SCN2A: variants seen among roughly 807,000 people sequenced by gnomAD.
SCN2A encodes sodium channel protein type 2 subunit alpha.
A neutral mutation model predicts 188.7 loss-of-function variants in SCN2A; 20 were observed. That is an observed-to-expected ratio of 0.11 (90% confidence interval 0.07 to 0.15). SCN2A has a LOEUF of 0.15. SCN2A is among the 10% of genes least tolerant of loss of function. The pLI is 1.00. For synonymous variants in SCN2A, 804 were observed against 833.1 expected (o/e 0.97, Z 0.60); for missense variants, 1,278 against 2,445.0 (o/e 0.52, Z 10.07).
intron 1 of SCN2A, chr2:165,294,197 T>C: frequency 1.3e-6 from 1 of 782,392 alleles, no homozygotes; most frequent in Non-Finnish European, 1.6e-6. Flanking sequence ...TTTACAGTAG[T>C]AGAATCCTTG....
chr2:165,370,756 T>G (rs903587788), intron 20 of SCN2A: 1 of 168,206 alleles, frequency 5.9e-6, no homozygotes, highest in Non-Finnish European at 1.3e-5. Context: ...ACCACTTGAT[T>G]TGTATGATAT....
intron 16 of SCN2A, among the ~76,000 whole-genome samples, chr2:165,350,869 A>G (rs951045590): frequency 6.6e-6 from 1 of 152,120 alleles, no homozygotes; most frequent in African/African-American, 2.4e-5. Context: ...AAAGAGAATA[A>G]CTTGACTCAC....
intron 7 of SCN2A, among the ~76,000 whole-genome samples, 182 bp from the exon 8 acceptor site, chr2:165,311,843 T>C (rs1457253387): frequency 2.6e-5 from 4 of 152,130 alleles, no homozygotes; most frequent in African/African-American, 9.7e-5. Context: ...ATTTGTATAA[T>C]CAAAAATGTT....
chr2:165,295,761 C>T lies in SCN2A; in HGVS notation c.-51-12C>T, dbSNP rs1398283453. On this transcript the variant is annotated splice_polypyrimidine_tract_variant and intron_variant, in intron 1 of 26. Coordinates refer to ENST00000375437, the MANE Select transcript of SCN2A (RefSeq NM_001040142.2). Reference sequence around the variant, plus strand: ...AATGGTCATTGCTTTTTTTCCCTCCCTGTTTCTGTAGCACTTTCTTATGCA... The same window carrying T: ...AATGGTCATTGCTTTTTTTCCCTCCTTGTTTCTGTAGCACTTTCTTATGCA... 9.3e-6 allele frequency: 15 copies of T among 1,611,950 alleles called. No homozygotes were observed. The highest frequency in any genetic ancestry group is 8.0e-5 in the African/African-American group (6 of 74,962).
chr2:165,293,579 T>C (rs1407446460), intron 1 of SCN2A, among the ~76,000 whole-genome samples: 1 of 152,142 alleles, frequency 6.6e-6, no homozygotes, highest in Non-Finnish European at 1.5e-5. Context: ...GGTATTATAA[T>C]CTTATGCGAC....
intron 12 of SCN2A, 93 bp from the exon 13 acceptor site, chr2:165,326,759 G>A: frequency 1.5e-6 from 2 of 1,304,686 alleles, no homozygotes; most frequent in Admixed American, 1.7e-5. Context: ...AAAGCATGGT[G>A]TATATTTAGT....
intron 14 of SCN2A, among the ~76,000 whole-genome samples, chr2:165,336,811 A>C (rs1316927035): frequency 6.6e-6 from 1 of 152,062 alleles, no homozygotes; most frequent in African/African-American, 2.4e-5. Context: ...ATGTTGCAGT[A>C]AATGTTCTTG....
intron 16 of SCN2A, among the ~76,000 whole-genome samples, chr2:165,350,481 T>C (rs1352090662): frequency 8.8e-6 from 1 of 113,912 alleles, no homozygotes; most frequent in East Asian, 2.5e-4. Context: ...TTTTTTTTTT[T>C]TTTTTTTTTG....
chr2:165,295,510 C>T (rs920542298), intron 1 of SCN2A, among the ~76,000 whole-genome samples: 2 of 152,154 alleles, frequency 1.3e-5, no homozygotes, highest in African/African-American at 4.8e-5. Context: ...CATATTTTCC[C>T]ACAAGTAGCA....
chr2:165,333,974 GA>G lies in SCN2A; in HGVS notation c.2388+2409del, dbSNP rs562910597. On this transcript the variant is annotated intron_variant, in intron 14 of 26. Coordinates refer to ENST00000375437, the MANE Select transcript of SCN2A (RefSeq NM_001040142.2). ...TTTTAGAAAGAAAAAGGGAGCATAA[GA>G]AATAAAATAAAATTAAACGCCAGCA... Among the ~76,000 whole-genome samples the G allele has an allele frequency of 2.0e-5, 3 of 149,626 alleles. No individual in the cohort carries two copies. The South Asian group carries it at 6.4e-4, about 32-fold the overall frequency.
intron 25 of SCN2A, among the ~76,000 whole-genome samples, 162 bp downstream of exon 25, chr2:165,381,359 A>G (rs1340367853): frequency 6.6e-6 from 1 of 151,740 alleles, no homozygotes; most frequent in Non-Finnish European, 1.5e-5. Flanking sequence ...TGTACTTTAC[A>G]TATATAATAT....
intron 1 of SCN2A, among the ~76,000 whole-genome samples, chr2:165,276,268 G>GAAAAAAA (rs61197555): frequency 6.7e-6 from 1 of 148,462 alleles, no homozygotes; most frequent in Non-Finnish European, 1.5e-5. Context: ...AAATACTTAG[G>GAAAAAAA]AAAAAAAAAA....
intron 17 of SCN2A, among the ~76,000 whole-genome samples, chr2:165,357,664 T>C (rs1700247269): frequency 1.3e-5 from 2 of 152,300 alleles, no homozygotes; most frequent in African/African-American, 4.8e-5. Flanking sequence ...TGTTTTTTCT[T>C]TTAGAGTATT....
At chr2:165,287,428 C>T (rs1390189269) in intron 1 of SCN2A, among the ~76,000 whole-genome samples, 2 of 152,018 alleles carry the variant, frequency 1.3e-5, no homozygotes, top group African/African-American at 4.8e-5. Flanking sequence ...TAAACTCTGC[C>T]ATTTTGCCTC....
At chr2:165,336,321 T>C (rs1698990575) in intron 14 of SCN2A, among the ~76,000 whole-genome samples, 2 of 152,052 alleles carry the variant, frequency 1.3e-5, no homozygotes, top group Admixed American at 6.5e-5. Context: ...TTCATAATAC[T>C]AAAAATTAAA....
intron 1 of SCN2A, chr2:165,272,333 A>C (rs1385746234): frequency 6.6e-6 from 1 of 152,116 alleles, no homozygotes; most frequent in East Asian, 1.9e-4. Context: ...AAAAGGGTAT[A>C]ACAAAGTAGA....
At chr2:165,303,751 T>TTATCTAC (rs2105231419) in intron 3 of SCN2A, among the ~76,000 whole-genome samples, 1 of 152,276 alleles carries the variant, frequency 6.6e-6, no homozygotes, top group South Asian at 2.1e-4. Context: ...TTGACCCTAG[T>TTATCTAC]TATCTACTAT....
At chr2:165,276,268 G>GAA (rs61197555) in intron 1 of SCN2A, among the ~76,000 whole-genome samples, 58 of 148,540 alleles carry the variant, frequency 3.9e-4, no homozygotes, top group East Asian at 5.9e-4. Flanking sequence ...AAATACTTAG[G>GAA]AAAAAAAAAA....
At chr2:165,335,114 TA>T (rs1428536434) in intron 14 of SCN2A, among the ~76,000 whole-genome samples, 1 of 151,720 alleles carries the variant, frequency 6.6e-6, no homozygotes, top group African/African-American at 2.4e-5. Context: ...AAAGAACTAC[TA>T]AATAAATGAA....
Sources: allele counts gnomAD v4.1 joint callset (sites outside exome capture counted in the v4.1 genomes callset), GRCh38; gene constraint gnomAD v4.1.1; transcripts MANE v1.5; gene names NCBI Gene and HGNC (gene_info 2026-07-23, HGNC 2026-07-21).